Variants in NLRC5 observed in about 807,000 individuals in gnomAD.
NLRC5 encodes the protein NLR family CARD domain containing 5.
In NLRC5, 114 loss-of-function variants were observed where a neutral mutation model predicts 206.9. The observed-to-expected ratio is 0.55, with a 90% confidence interval of 0.47 to 0.64. The LOEUF (loss-of-function observed/expected upper bound fraction) is 0.64, where lower values mean the gene tolerates loss of function less well. Among genes scored for constraint, NLRC5 ranks in the 30% least tolerant of loss-of-function variants. The probability of loss-of-function intolerance (pLI) is 0.00; values close to 1 mark genes in which losing one functional copy is unlikely to be tolerated. For synonymous variants in NLRC5, 952 were observed against 962.8 expected (o/e 0.99, Z 0.21); for missense variants, 2,008 against 2,305.5 (o/e 0.87, Z 2.64).
At chr16:57,031,119 A>G (rs1269230461) in intron 10 of NLRC5, among the ~76,000 whole-genome samples, 2 of 147,372 alleles carry the variant, frequency 1.4e-5, no homozygotes, top group Admixed American at 1.3e-4. Flanking sequence ...AAAGAAAGGA[A>G]AAAAAAAAAC....
chr16:57,078,958 C>T (rs1172152177), intron 43 of NLRC5, 92 bp from the exon 44 acceptor site: 6 of 1,126,406 alleles, frequency 5.3e-6, no homozygotes, highest in East Asian at 2.4e-5. Context: ...AGACTGTCTA[C>T]GGGCTGGCAC....
chr16:57,053,482 G>A (rs1419446067), intron 24 of NLRC5, among the ~76,000 whole-genome samples: 2 of 152,178 alleles, frequency 1.3e-5, no homozygotes, highest in Non-Finnish European at 2.9e-5. Context: ...GGAGAGTTTA[G>A]ACTTTTGTTC....
rs77796033 is a variant in NLRC5 at position 57,075,005 on chromosome 16, C to CTTTTTTTTTTTTTTT, written c.4751+350_4751+364dup. Among the ~76,000 whole-genome samples the CTTTTTTTTTTTTTTT allele has an allele frequency of 5.2e-5, 3 of 58,104 alleles. 1 individual carries two copies. The highest frequency in any genetic ancestry group is 7.0e-5 in the African/African-American group (1 of 14,294). The allele number at this position is 58,104 out of a possible 152,430, so 38.1% of individuals were successfully genotyped here. A position where few individuals can be genotyped will look rare whatever the true frequency, so the allele number is the denominator to read the frequency against. On this transcript the variant is annotated intron_variant, in intron 39 of 48. Transcript: ENST00000688547. ...GGTCTGGAATTCTGCCTAGACTGTG[C>CTTTTTTTTTTTTTTT]TTTTTTTTTTTTTTTTTTTTTTTTT... is the stretch of plus-strand genomic sequence containing the variant.
chr16:57,006,675 G>A (rs73544977), intron 1 of NLRC5, among the ~76,000 whole-genome samples: 3,214 of 151,630 alleles, frequency 0.021, 113 homozygotes, highest in African/African-American at 0.073. Flanking sequence ...GCAAGGCCAC[G>A]TTAAATATCC....
chr16:57,016,402 C>T (rs1026760144), intron 1 of NLRC5, among the ~76,000 whole-genome samples: 2 of 152,138 alleles, frequency 1.3e-5, no homozygotes, highest in Non-Finnish European at 2.9e-5. Context: ...TTACATTCCC[C>T]GTATTTCACA....
chr16:57,065,762 T>C (rs1321502455), intron 33 of NLRC5, among the ~76,000 whole-genome samples: 1 of 152,200 alleles, frequency 6.6e-6, no homozygotes, highest in Non-Finnish European at 1.5e-5. Flanking sequence ...CTCCTGCTCT[T>C]AAAAGAGTCT....
At chr16:57,063,688 T>C (rs1175843492) in intron 32 of NLRC5, among the ~76,000 whole-genome samples, 4 of 148,118 alleles carry the variant, frequency 2.7e-5, no homozygotes, top group Non-Finnish European at 6.0e-5. Flanking sequence ...AGCCAGAAAG[T>C]CCCAGCTTTC....
intron 2 of NLRC5, among the ~76,000 whole-genome samples, chr16:57,019,587 C>A (rs1175021243): frequency 6.6e-6 from 1 of 152,194 alleles, no homozygotes; most frequent in Non-Finnish European, 1.5e-5. Context: ...GGCAGATGGG[C>A]AGCTTTACCT....
intron 1 of NLRC5, chr16:57,013,234 G>A (rs564482582): frequency 1.6e-5 from 8 of 511,192 alleles, no homozygotes; most frequent in South Asian, 1.4e-4. Context: ...CCTTGGTAAA[G>A]CCACATTCAA....
At chr16:57,031,935 T>A (rs184534523) in intron 11 of NLRC5, among the ~76,000 whole-genome samples, 2 of 151,986 alleles carry the variant, frequency 1.3e-5, no homozygotes, top group East Asian at 3.9e-4. Context: ...GATTCCAGCT[T>A]GGCCAGTCTT....
rs2068651865 is a variant in NLRC5 at position 57,078,148 on chromosome 16, T to G, written c.5081+128T>G. On this transcript the variant is annotated intron_variant, in intron 43 of 48. Coordinates refer to ENST00000688547, the MANE Select transcript of NLRC5 (RefSeq NM_001384950.1). ...AGTCAAGCTTGGCATATACCCACTC[T>G]CCTGCCTGTTCCTTCCCTGCCTCTG... 13 of 643,072 alleles carry G rather than the reference T, an allele frequency of 2.0e-5. No individual in the cohort carries two copies. In the East Asian group the frequency reaches 4.0e-4, roughly 20 times the overall value. The allele number at this position is 643,072 out of a possible 1,614,324, so 39.8% of individuals were successfully genotyped here.
intron 11 of NLRC5, among the ~76,000 whole-genome samples, chr16:57,033,175 C>G (rs1282862505): frequency 6.6e-6 from 1 of 152,184 alleles, no homozygotes; most frequent in Non-Finnish European, 1.5e-5. Flanking sequence ...CCACAGACAG[C>G]ACATCCACAA....
In NLRC5 at chr16:57,028,795, C is replaced by G. The variant is rs545488874; in HGVS notation, c.2243+410C>G. Among the ~76,000 whole-genome samples, 236 of 152,308 alleles carry G rather than the reference C, an allele frequency of 1.5e-3. 1 individual carries two copies. The highest frequency in any genetic ancestry group is 0.01 in the Middle Eastern group (3 of 294). ...ACACAGGCATATGCAAGAATATGCA[C>G]CCACACATGCCCACTCATAGGTGTG... On this transcript the variant is annotated intron_variant, in intron 8 of 48. Transcript: ENST00000688547.
chr16:57,025,020 A>G (rs1449271358), intron 5 of NLRC5, among the ~76,000 whole-genome samples: 3 of 152,128 alleles, frequency 2.0e-5, no homozygotes, highest in Non-Finnish European at 4.4e-5. Context: ...GGAAAAAAGA[A>G]AAAAAAGAGA....
chr16:57,057,768 G>A (rs1446849680), intron 27 of NLRC5, among the ~76,000 whole-genome samples: 1 of 152,216 alleles, frequency 6.6e-6, no homozygotes, highest in Non-Finnish European at 1.5e-5. Flanking sequence ...GAACGTAGGA[G>A]TTGCTGGTCA....
At chr16:57,021,352 T>TTTTG (rs1286804494) in intron 3 of NLRC5, among the ~76,000 whole-genome samples, 2 of 151,578 alleles carry the variant, frequency 1.3e-5, no homozygotes, top group African/African-American at 4.9e-5. Context: ...TCTTGTTGGG[T>TTTTG]TTTGTTTGTT....
intron 37 of NLRC5, 44 bp downstream of exon 37, chr16:57,069,963 A>T: frequency 6.7e-7 from 1 of 1,503,136 alleles, no homozygotes; most frequent in Non-Finnish European, 9.0e-7. Context: ...GGCCCAGCTG[A>T]GGGTGAGGGG....
chr16:57,078,089 T>TG (rs771578704), intron 43 of NLRC5, 69 bp downstream of exon 43: 6 of 1,317,936 alleles, frequency 4.6e-6, no homozygotes, highest in African/African-American at 3.0e-5. Context: ...AGTGGGGGGG[T>TG]CCAGGCCCCC....
chr16:57,041,920 A>C, intron 18 of NLRC5, 62 bp from the exon 19 acceptor site: 1 of 1,135,292 alleles, frequency 8.8e-7, no homozygotes, highest in Non-Finnish European at 1.2e-6. Flanking sequence ...TGCAGGGACC[A>C]TGCTGCCAGC....
Sources: gnomAD v4.1 joint callset for allele counts (sites outside exome capture counted in the v4.1 genomes callset) on GRCh38, gnomAD v4.1.1 for gene constraint, MANE v1.5 for transcripts, NCBI Gene and HGNC (gene_info 2026-07-23, HGNC 2026-07-21) for gene names.